The following DGKD variants were observed in gnomAD, a reference collection of about 807,000 sequenced individuals.
DGKD encodes the protein diacylglycerol kinase delta.
DGKD carries 68 observed loss-of-function variants against 154.4 expected under a neutral mutation model. That is an observed-to-expected ratio of 0.44 (90% CI 0.36 to 0.54). The LOEUF (loss-of-function observed/expected upper bound fraction) is 0.54, where lower values mean the gene tolerates loss of function less well. Ranked by LOEUF, DGKD falls within the 20% of genes least tolerant of loss-of-function variation. DGKD has a pLI of 0.00. For missense variants in DGKD, 1,343 were observed against 1,593.6 expected (o/e 0.84, Z 2.68); for synonymous variants, 693 against 638.0 (o/e 1.09, Z -1.30).
At chr2:233,430,480 C>T (rs1418376190) in intron 3 of DGKD, among the ~76,000 whole-genome samples, 2 of 152,102 alleles carry the variant, frequency 1.3e-5, no homozygotes, top group Admixed American at 1.3e-4. Context: ...AGTGTCCATG[C>T]TACTGTTGAC....
chr2:233,354,840 C>A lies in DGKD; in HGVS notation c.156+166C>A, dbSNP rs1189662349. On this transcript the variant is annotated intron_variant, in intron 1 of 29. Coordinates refer to ENST00000264057, the MANE Select transcript of DGKD (RefSeq NM_152879.3). The surrounding 1 kb of genome is among the most constrained non-coding windows in gnomAD (Gnocchi z 4.8). ...AGCGTGCCCCGCCGCTGTAACGGGC[C>A]GGCGCCCCGGGCGGAGCGCGCGGCC... Among the ~76,000 whole-genome samples, 2 of 145,020 alleles carry A rather than the reference C, an allele frequency of 1.4e-5. No individual in the cohort carries two copies. The highest frequency in any genetic ancestry group is 3.1e-5 in the Non-Finnish European group (2 of 65,278).
chr2:233,435,855 T>A lies in DGKD; in HGVS notation c.624T>A (p.Arg208=). Residue 208 remains arginine (R), a synonymous_variant, in exon 6 of 30, where the codon CGT becomes CGA. Transcript: ENST00000264057. ...KFKAHKRCAV[R]ATNNCKWTTL... is the part of the protein sequence containing the mutation. ...AGGCCCACAAGCGCTGTGCTGTGCG[T>A]GCAACCAATAACTGCAAGTGGACCA... The A allele has an allele frequency of 8.1e-6, 13 of 1,612,870 alleles. No homozygotes were observed. The highest frequency in any genetic ancestry group is 1.1e-5 in the South Asian group (1 of 91,004).
intron 1 of DGKD, among the ~76,000 whole-genome samples, chr2:233,386,569 A>C (rs1703191414): frequency 6.8e-6 from 1 of 147,524 alleles, no homozygotes; most frequent in Non-Finnish European, 1.5e-5. Flanking sequence ...GGGGGTGGGG[A>C]GGTCACTTCT....
At chr2:233,460,553 G>C (rs2063597342) in intron 24 of DGKD, among the ~76,000 whole-genome samples, 2 of 152,200 alleles carry the variant, frequency 1.3e-5, no homozygotes, top group Admixed American at 6.5e-5. Flanking sequence ...TACATGGCTG[G>C]AACCTAAAGC....
rs989888035 is a variant in DGKD at position 233,445,163 on chromosome 2, T to C, written c.1195-460T>C. Reference sequence around the variant, plus strand: ...TTGGATAGGATTTAGAGGAGAGAAGTGATACTAGTGATGTTTTTGGAAGAA... The same window carrying C: ...TTGGATAGGATTTAGAGGAGAGAAGCGATACTAGTGATGTTTTTGGAAGAA... On this transcript the variant is annotated intron_variant, in intron 10 of 29. Coordinates refer to ENST00000264057, the MANE Select transcript of DGKD (RefSeq NM_152879.3). The surrounding 1 kb of genome is among the most constrained non-coding windows in gnomAD (Gnocchi z 5.5). Among the ~76,000 whole-genome samples, 2 of 151,976 alleles carry C rather than the reference T, an allele frequency of 1.3e-5. No homozygotes were observed. Among genetic ancestry groups the C allele is most frequent in the African/African-American group, 4.8e-5 (2 of 41,334 alleles).
chr2:233,462,604 G>C (rs996077542), intron 25 of DGKD, 39 bp from the exon 26 acceptor site: 1 of 1,593,744 alleles, frequency 6.3e-7, no homozygotes, highest in East Asian at 2.2e-5. Flanking sequence ...TGCATGTTCG[G>C]CCCCCCGCCC....
chr2:233,419,299 T>C, intron 3 of DGKD: 2 of 985,614 alleles, frequency 2.0e-6, no homozygotes, highest in Non-Finnish European at 2.4e-6. Flanking sequence ...GTTCCTGCTC[T>C]ACTTCGTAAT....
Position 233,354,508 on chromosome 2 carries a change from G to A in DGKD, c.-11G>A, listed in dbSNP as rs1465193314. On this transcript the variant is annotated 5_prime_UTR_variant, in exon 1 of 30. Transcript: ENST00000264057. This position sits in a 1 kb window ranked among gnomAD's most constrained non-coding sequence, Gnocchi z 4.8. ...CGCCCCCGCCCGCGGTGCGCGCGCT[G>A]GCCCGGCAGCATGGCGGCGGCGGCG... 7.1e-6 allele frequency: 7 copies of A among 980,610 alleles called. No individual in the cohort carries two copies. Among genetic ancestry groups the A allele is most frequent in the Non-Finnish European group, 8.4e-6 (7 of 828,518 alleles). The allele number at this position is 980,610 out of a possible 1,614,324, so 60.7% of individuals were successfully genotyped here.
chr2:233,428,146 TG>T (rs981242119), intron 3 of DGKD, among the ~76,000 whole-genome samples: 38 of 151,804 alleles, frequency 2.5e-4, no homozygotes, highest in Admixed American at 2.4e-3. Context: ...GAGGAGGAGG[TG>T]GGCCCTTGCC....
At chr2:233,448,229 C>G (rs2063149436) in intron 13 of DGKD, 47 bp from the exon 14 acceptor site, 1 of 1,613,838 alleles carries the variant, frequency 6.2e-7, no homozygotes, top group Non-Finnish European at 8.5e-7. Flanking sequence ...TGGCCCCCAG[C>G]CTGGAGCTGC....
intron 26 of DGKD, chr2:233,463,844 A>G (rs1296380420): frequency 5.9e-6 from 2 of 337,426 alleles, no homozygotes; most frequent in Non-Finnish European, 1.1e-5. Flanking sequence ...TTTGCTTCCC[A>G]CAGCATTTCC....
chr2:233,393,882 G>A (rs1409457104), intron 3 of DGKD, among the ~76,000 whole-genome samples: 1 of 151,344 alleles, frequency 6.6e-6, no homozygotes, highest in African/African-American at 2.4e-5. Flanking sequence ...GGGTTTCACC[G>A]TGTTGGCTAG....
chr2:233,454,533 A>C, intron 18 of DGKD: 1 of 512,622 alleles, frequency 2.0e-6, no homozygotes, highest in East Asian at 4.4e-5. Context: ...GAAATGCTCT[A>C]AAATCGATTA....
At position 233,448,323 on chromosome 2, in the gene DGKD, C is replaced by T. The variant is rs974529849; in HGVS notation, c.1562C>T (p.Ala521Val). The T allele has an allele frequency of 6.2e-7, 1 of 1,614,058 alleles. No homozygotes were observed. The highest frequency in any genetic ancestry group is 8.5e-7 in the Non-Finnish European group (1 of 1,180,004). ...VKDFVARVGK[A>V]YEKTTESSEE... ...GACTTCGTGGCACGGGTGGGGAAGG[C>T]CTATGAGAAGACGACCGAGAGCTCG... Residue 521 changes from alanine (A) to valine (V), a missense_variant, in exon 14 of 30, where the codon GCC (alanine) becomes GTC (valine). Ala to Val is a moderately conservative substitution (Grantham distance 64). Coordinates refer to ENST00000264057, the MANE Select transcript of DGKD (RefSeq NM_152879.3).
At position 233,441,852 on chromosome 2, in the gene DGKD, G is replaced by A. The variant is rs756874656; in HGVS notation, c.1086-35G>A. On this transcript the variant is annotated intron_variant, in intron 9 of 29. Coordinates refer to ENST00000264057, the MANE Select transcript of DGKD (RefSeq NM_152879.3). This position sits in a 1 kb window ranked among gnomAD's most constrained non-coding sequence, Gnocchi z 5.6. ...AGCCTGTCATTTGTCCTGTGGAATG[G>A]ATGTCATTTCACGGCCTTTCTCTTT... The A allele has an allele frequency of 1.9e-6, 3 of 1,584,006 alleles. No individual in the cohort carries two copies. The highest frequency in any genetic ancestry group is 1.3e-5 in the African/African-American group (1 of 74,382).
At chr2:233,399,727 G>T (rs2061511180) in intron 3 of DGKD, among the ~76,000 whole-genome samples, 1 of 152,172 alleles carries the variant, frequency 6.6e-6, no homozygotes, top group African/African-American at 2.4e-5. Flanking sequence ...TTTGTTAGAA[G>T]AGTCTGTCTG....
At position 233,454,771 on chromosome 2, in the gene DGKD, A is replaced by G. The variant is rs2063401820; in HGVS notation, c.2273A>G (p.Tyr758Cys). Residue 758 changes from tyrosine to cysteine, a missense_variant, in exon 19 of 30, where the codon TAC becomes TGC. Physicochemically the swap from Tyr to Cys is radical, Grantham distance 194. Around this residue, in one of 6 missense-constraint regions of DGKD, gnomAD observed 409 missense variants for 446.0 expected, o/e 0.92. Coordinates refer to ENST00000264057, the MANE Select transcript of DGKD (RefSeq NM_152879.3). ...FNSEPETLEY[Y>C]TEKCVMNNYF... ...AAAACTCACCTTTGCAGAGAGTATT[A>G]CACGGAGAAATGTGTCATGAACAAC... The G allele has an allele frequency of 6.2e-7, 1 of 1,606,840 alleles. No homozygotes were observed. The highest frequency in any genetic ancestry group is 8.5e-7 in the Non-Finnish European group (1 of 1,173,346).
At chr2:233,427,463 C>T (rs2062349598) in intron 3 of DGKD, among the ~76,000 whole-genome samples, 1 of 151,872 alleles carries the variant, frequency 6.6e-6, no homozygotes, top group African/African-American at 2.4e-5. Context: ...AACTCAGCCT[C>T]CCAAGTAGCT....
rs1401114495 is a variant in DGKD, at chr2:233,449,068, C to T, written c.1615-35C>T. ...CTGCCTGCAGACCCTGTTCTCCTGC[C>T]TCAGCTCTGCATGCCATTTCCTTTC... On this transcript the variant is annotated intron_variant, in intron 14 of 29. Coordinates refer to ENST00000264057, the MANE Select transcript of DGKD (RefSeq NM_152879.3). The surrounding 1 kb of genome is among the most constrained non-coding windows in gnomAD (Gnocchi z 5.3). 6.4e-7 allele frequency: 1 copy of T among 1,558,098 alleles called. No homozygotes were observed. Among genetic ancestry groups the T allele is most frequent in the Non-Finnish European group, 8.7e-7 (1 of 1,145,508 alleles).
Sources: allele counts gnomAD v4.1 joint callset (sites outside exome capture counted in the v4.1 genomes callset), GRCh38; gene constraint gnomAD v4.1.1; regional missense constraint gnomAD v4.1.1; non-coding constraint Gnocchi (gnomAD v3.1); transcripts MANE v1.5; gene names NCBI Gene and HGNC (gene_info 2026-07-23, HGNC 2026-07-21).